The following DLGAP1 variants were observed in gnomAD, a reference collection of about 807,000 sequenced individuals.
DLGAP1 encodes disks large-associated protein 1.
DLGAP1 carries 11 observed loss-of-function variants against 90.8 expected under a neutral mutation model. The observed-to-expected ratio is 0.12, with a 90% confidence interval of 0.08 to 0.20. The LOEUF (loss-of-function observed/expected upper bound fraction) is 0.20. Ranked by LOEUF, DLGAP1 falls within the 10% of genes least tolerant of loss-of-function variation. DLGAP1 has a pLI of 1.00. For missense variants in DLGAP1, 1,050 were observed against 1,333.8 expected (o/e 0.79, Z 3.31); for synonymous variants, 558 against 540.7 (o/e 1.03, Z -0.44).
In DLGAP1 at chr18:3,526,817, A is replaced by G. The variant is rs2051653170; in HGVS notation, c.2479+7377T>C. Among the ~76,000 whole-genome samples, 1 of 152,216 alleles carries G rather than the reference A, an allele frequency of 6.6e-6. No individual in the cohort carries two copies. The highest frequency in any genetic ancestry group is 2.4e-5 in the African/African-American group (1 of 41,452). On this transcript the variant is annotated intron_variant, in intron 10 of 12. Transcript: ENST00000315677. This position sits in a 1 kb window ranked among gnomAD's most constrained non-coding sequence, Gnocchi z 4.7. ...TGTAACATACAAGCCACTGTCAAAT[A>G]GCACTGAGCCATCTCCCTGAGACAG... is the stretch of plus-strand genomic sequence containing the variant.
At chr18:4,134,028 G>A (rs2076360371) in intron 2 of DLGAP1, among the ~76,000 whole-genome samples, 1 of 151,774 alleles carries the variant, frequency 6.6e-6, no homozygotes, top group Non-Finnish European at 1.5e-5. Flanking sequence ...TAGGTGAGAT[G>A]GGATGATTGA....
At chr18:4,279,438 T>C (rs1397858643) in intron 1 of DLGAP1, among the ~76,000 whole-genome samples, 1 of 152,154 alleles carries the variant, frequency 6.6e-6, no homozygotes, top group East Asian at 1.9e-4. Flanking sequence ...TAGGTTAAAG[T>C]AAAGTAATAA....
intron 3 of DLGAP1, among the ~76,000 whole-genome samples, chr18:3,929,969 T>C (rs1461324648): frequency 6.6e-6 from 1 of 152,232 alleles, no homozygotes; most frequent in African/African-American, 2.4e-5. Context: ...CAGATCACTC[T>C]GCAGATACAT....
chr18:4,344,417 A>C (rs1217438624), intron 1 of DLGAP1, among the ~76,000 whole-genome samples: 1 of 152,218 alleles, frequency 6.6e-6, no homozygotes, highest in Non-Finnish European at 1.5e-5. Flanking sequence ...AGACTTAAAG[A>C]CAAAAAAATC....
At chr18:3,602,340 C>T (rs140426852) in intron 7 of DLGAP1, among the ~76,000 whole-genome samples, 2 of 151,962 alleles carry the variant, frequency 1.3e-5, no homozygotes, top group Non-Finnish European at 2.9e-5. Flanking sequence ...TCACGCCTGT[C>T]ATCCCAGCAA....
chr18:3,584,354 G>A (rs1386779420), intron 7 of DLGAP1, among the ~76,000 whole-genome samples: 1 of 143,340 alleles, frequency 7.0e-6, no homozygotes, highest in Admixed American at 7.0e-5. Flanking sequence ...GTTACCTACA[G>A]TTCCAGCTGC....
intron 4 of DLGAP1, among the ~76,000 whole-genome samples, chr18:3,824,456 C>T (rs1272887505): frequency 1.3e-5 from 2 of 152,074 alleles, no homozygotes; most frequent in Non-Finnish European, 2.9e-5. Flanking sequence ...CCTTAGGACA[C>T]AAAATCTGAT....
chr18:4,087,918 G>GTTTATGCTATCACTGCTATGCA (rs1202155806), intron 2 of DLGAP1, among the ~76,000 whole-genome samples: 16 of 152,136 alleles, frequency 1.1e-4, no homozygotes, highest in African/African-American at 3.6e-4. Flanking sequence ...TGACATCTGT[G>GTTTATGCTATCACTGCTATGCA]TCACTGCTAT....
intron 7 of DLGAP1, among the ~76,000 whole-genome samples, chr18:3,664,179 A>C (rs1364548006): frequency 7.2e-6 from 1 of 138,500 alleles, no homozygotes; most frequent in Non-Finnish European, 1.5e-5. Flanking sequence ...ATTATGGGTC[A>C]GTATACACAC....
chr18:4,144,835 A>G (rs1035828934), intron 2 of DLGAP1, among the ~76,000 whole-genome samples: 6 of 152,222 alleles, frequency 3.9e-5, no homozygotes, highest in Non-Finnish European at 8.8e-5. Flanking sequence ...AGGAAAATAA[A>G]TCCAGTCAAT....
rs532813951 is a variant in DLGAP1, at chr18:3,908,216, AAC to A, written c.-72-28078_-72-28077del. ...CTTGGCTCATGGGCAAAATGAGAAA[AAC>A]ACAATATACAAAGAGACAGTGTAAT... On this transcript the variant is annotated intron_variant, in intron 3 of 12. Transcript: ENST00000315677. Among the ~76,000 whole-genome samples, 24 of 152,274 alleles carry A rather than the reference AAC, an allele frequency of 1.6e-4. No homozygotes were observed. In the East Asian group the frequency reaches 4.6e-3, roughly 29 times the overall value.
chr18:4,171,030 T>A (rs1598534966), intron 1 of DLGAP1, among the ~76,000 whole-genome samples: 1 of 152,148 alleles, frequency 6.6e-6, no homozygotes, highest in African/African-American at 2.4e-5. Context: ...TGTGTAAATA[T>A]CATAAATAGG....
chr18:3,725,131 T>G (rs572664172), intron 7 of DLGAP1, among the ~76,000 whole-genome samples: 1 of 152,218 alleles, frequency 6.6e-6, no homozygotes, highest in East Asian at 1.9e-4. Context: ...TTACTTTGTG[T>G]CCTTTTTGAA....
chr18:4,429,233 A>T (rs1003243689), intron 1 of DLGAP1, among the ~76,000 whole-genome samples: 1 of 152,224 alleles, frequency 6.6e-6, no homozygotes, highest in African/African-American at 2.4e-5. Flanking sequence ...AATAACTATC[A>T]ATAAATTGAA....
At chr18:3,900,546 G>A (rs1214906780) in intron 3 of DLGAP1, among the ~76,000 whole-genome samples, 5 of 152,142 alleles carry the variant, frequency 3.3e-5, no homozygotes, top group South Asian at 2.1e-4. Context: ...CAGAGTGAGC[G>A]CTCAGTAAAC....
chr18:3,599,918 A>AT lies in DLGAP1; in HGVS notation c.1592-17671dup, dbSNP rs775592401. On this transcript the variant is annotated intron_variant, in intron 7 of 12. Coordinates refer to ENST00000315677, the MANE Select transcript of DLGAP1 (RefSeq NM_004746.4). ...AGGCGTGAGCCACCATTCCCAGCCA[A>AT]TTTTTTTTTTTTTTTTAAAGAGACA... Among the ~76,000 whole-genome samples, 1,070 of 142,366 alleles carry AT rather than the reference A, an allele frequency of 7.5e-3. 3 individuals carry two copies. The highest frequency in any genetic ancestry group is 0.015 in the African/African-American group (602 of 38,874). 93.4% of individuals were successfully genotyped at this position (142,366 alleles called of 152,430 possible).
At chr18:3,872,837 G>A (rs1051034869) in intron 4 of DLGAP1, among the ~76,000 whole-genome samples, 10 of 152,080 alleles carry the variant, frequency 6.6e-5, no homozygotes, top group African/African-American at 2.2e-4. Flanking sequence ...TGGAAAAAGG[G>A]GAAACGAAAT....
At chr18:3,865,577 G>T (rs901005162) in intron 4 of DLGAP1, among the ~76,000 whole-genome samples, 3 of 152,038 alleles carry the variant, frequency 2.0e-5, no homozygotes, top group South Asian at 2.1e-4. Flanking sequence ...GTTATTAAAA[G>T]AAATTCTCAT....
At chr18:4,382,630 C>T (rs560171) in intron 1 of DLGAP1, among the ~76,000 whole-genome samples, 151,866 of 152,182 alleles carry the variant, frequency 1, 75,776 homozygotes, top group Middle Eastern at 1. Flanking sequence ...TTTTGTATAT[C>T]TCAGGTCTTT....
Sources: gnomAD v4.1 joint callset for allele counts (sites outside exome capture counted in the v4.1 genomes callset) on GRCh38, gnomAD v4.1.1 for gene constraint, Gnocchi (gnomAD v3.1) non-coding constraint, MANE v1.5 for transcripts, NCBI Gene and HGNC (gene_info 2026-07-23, HGNC 2026-07-21) for gene names.